The following APELA variants were observed in gnomAD, a reference collection of about 807,000 sequenced individuals.
APELA encodes apelin receptor early endogenous ligand, also known as protein Elabela.
At chr4:164,897,659 G>C (rs370930205), downstream of APELA, 1 of 152,162 alleles carries the variant, frequency 6.6e-6, no homozygotes, top group Non-Finnish European at 1.5e-5. Context: ...GAACAGCCTC[G>C]ATACAGCCCT....
At chr4:164,885,255 C>T (rs1479531209) in intron 2 of APELA, among the ~76,000 whole-genome samples, 2 of 152,092 alleles carry the variant, frequency 1.3e-5, no homozygotes, top group African/African-American at 4.8e-5. Context: ...CTCAGCCTCT[C>T]AAGTAGCTGG....
intron 2 of APELA, among the ~76,000 whole-genome samples, chr4:164,881,913 C>T (rs192230034): frequency 0.019 from 2,805 of 150,702 alleles, 82 homozygotes; most frequent in African/African-American, 0.064. Context: ...GTGGCGTGTG[C>T]CTCTAGTCCT....
At chr4:164,879,682 T>G (rs1730623299) in intron 2 of APELA, among the ~76,000 whole-genome samples, 1 of 152,220 alleles carries the variant, frequency 6.6e-6, no homozygotes, top group South Asian at 2.1e-4. Flanking sequence ...TAGCCTCAAG[T>G]GATCCACCCG....
intron 2 of APELA, among the ~76,000 whole-genome samples, chr4:164,887,052 T>C (rs1363353894): frequency 1.3e-5 from 2 of 152,162 alleles, no homozygotes; most frequent in African/African-American, 2.4e-5. Context: ...GGTCTCAAAC[T>C]CTTGACCTCA....
chr4:164,893,112 G>A (rs1036822572), intron 2 of APELA, among the ~76,000 whole-genome samples: 8 of 152,050 alleles, frequency 5.3e-5, no homozygotes, highest in African/African-American at 1.2e-4. Flanking sequence ...TGTTTCTGCT[G>A]TAATCATTAT....
chr4:164,885,508 A>C (rs899010969), intron 2 of APELA, among the ~76,000 whole-genome samples: 3 of 150,742 alleles, frequency 2.0e-5, no homozygotes, highest in South Asian at 2.2e-4. Context: ...TGGGAGGTCA[A>C]GGTGGGCAGA....
intron 2 of APELA, among the ~76,000 whole-genome samples, chr4:164,890,806 G>A (rs188888486): frequency 6.6e-6 from 1 of 152,196 alleles, no homozygotes; most frequent in African/African-American, 2.4e-5. Context: ...AACTCATTGA[G>A]GAACTGCCAA....
chr4:164,886,895 G>A (rs1255060552), intron 2 of APELA, among the ~76,000 whole-genome samples: 4 of 151,228 alleles, frequency 2.6e-5, no homozygotes, highest in African/African-American at 9.7e-5. Context: ...GCACAATCTC[G>A]GCTCACTGCA....
At chr4:164,893,103 G>T (rs1415181396) in intron 2 of APELA, among the ~76,000 whole-genome samples, 1 of 151,954 alleles carries the variant, frequency 6.6e-6, no homozygotes. Flanking sequence ...CAGTTCATTT[G>T]TTTCTGCTGT....
intron 2 of APELA, among the ~76,000 whole-genome samples, chr4:164,880,444 T>C (rs535581011): frequency 3.3e-5 from 5 of 152,358 alleles, no homozygotes; most frequent in African/African-American, 4.8e-5. Flanking sequence ...AGGAGGTTTC[T>C]GAGAAGCCAA....
chr4:164,894,962 A>C (rs969336228), intron 2 of APELA, among the ~76,000 whole-genome samples: 1 of 152,210 alleles, frequency 6.6e-6, no homozygotes, highest in African/African-American at 2.4e-5. Context: ...GTGAAAGTGA[A>C]ATGTGAAGGA....
At chr4:164,894,542 A>C (rs1257934996) in intron 2 of APELA, among the ~76,000 whole-genome samples, 1 of 151,840 alleles carries the variant, frequency 6.6e-6, no homozygotes, top group African/African-American at 2.4e-5. Flanking sequence ...TCAGCGGGGA[A>C]TATAGGCATG....
At chr4:164,888,319 G>A (rs1195331515) in intron 2 of APELA, among the ~76,000 whole-genome samples, 2 of 152,268 alleles carry the variant, frequency 1.3e-5, no homozygotes, top group African/African-American at 2.4e-5. Context: ...AATCAGGAAA[G>A]CTTCATTGTG....
At chr4:164,877,578 T>C (rs543518973) in intron 1 of APELA, among the ~76,000 whole-genome samples, 171 bp downstream of exon 1, 89 of 152,310 alleles carry the variant, frequency 5.8e-4, no homozygotes, top group African/African-American at 2.1e-3. Flanking sequence ...TTGGGTCTAT[T>C]ATTTCAATAT....
chr4:164,896,095 GT>G lies in APELA; in HGVS notation c.*686del, dbSNP rs1216640427. On this transcript the variant is annotated 3_prime_UTR_variant, in exon 3 of 3. Coordinates refer to ENST00000507152, the MANE Select transcript of APELA (RefSeq NM_001297550.2). ...CATTTTATGTTCAAATGAAACCATT[GT>G]TTTTGTTTTTGTTTTGAAACAGAGT... The G allele has an allele frequency of 6.6e-6, 1 of 152,096 alleles. No individual in the cohort carries two copies. Among genetic ancestry groups the G allele is most frequent in the African/African-American group, 2.4e-5 (1 of 41,434 alleles). 9.4% of individuals were successfully genotyped at this position (152,096 alleles called of 1,614,324 possible).
rs180739425 is a variant in APELA at position 164,882,352 on chromosome 4, C to T, written c.*1+3343C>T. Among the ~76,000 whole-genome samples, 75 of 152,236 alleles carry T rather than the reference C, an allele frequency of 4.9e-4. 1 individual carries two copies. The highest frequency in any genetic ancestry group is 1.2e-3 in the Admixed American group (19 of 15,290). On this transcript the variant is annotated intron_variant, in intron 2 of 2. Transcript: ENST00000507152. ...TCCCGACCTCAGGTGATCTGCCCCC[C>T]CTCAGACTCCCAAAGTGCTGGGATT... is the stretch of plus-strand genomic sequence containing the variant.
chr4:164,884,400 A>G (rs1560858307), intron 2 of APELA, among the ~76,000 whole-genome samples: 1 of 152,164 alleles, frequency 6.6e-6, no homozygotes, highest in Non-Finnish European at 1.5e-5. Flanking sequence ...AAGGTCCATT[A>G]TGACTTCCTT....
chr4:164,879,044 G>A (rs1175242875), intron 2 of APELA, 35 bp downstream of exon 2: 2 of 398,738 alleles, frequency 5.0e-6, no homozygotes, highest in Non-Finnish European at 8.8e-6. Flanking sequence ...GCTACATTTA[G>A]GCAGTGTTCC....
intron 2 of APELA, among the ~76,000 whole-genome samples, chr4:164,884,876 T>G (rs1461785881): frequency 1.3e-5 from 2 of 152,206 alleles, no homozygotes; most frequent in Non-Finnish European, 2.9e-5. Context: ...CTCAGTATCA[T>G]TCATCCTTTA....
Sources: gnomAD v4.1 joint callset for allele counts (sites outside exome capture counted in the v4.1 genomes callset) on GRCh38, gnomAD v4.1.1 for gene constraint, MANE v1.5 for transcripts, NCBI Gene and HGNC (gene_info 2026-07-23, HGNC 2026-07-21) for gene names.